Variants in CCSER1 observed in about 807,000 individuals in gnomAD.
The protein encoded by CCSER1 is coiled-coil serine rich protein 1, also known as serine-rich coiled-coil domain-containing protein 1.
CCSER1 carries 41 observed loss-of-function variants against 82.0 expected under a neutral mutation model. That is an observed-to-expected ratio of 0.50 (90% CI 0.39 to 0.65). The LOEUF (loss-of-function observed/expected upper bound fraction) is 0.65, where lower values mean the gene tolerates loss of function less well. Ranked by LOEUF, CCSER1 falls within the 30% of genes least tolerant of loss-of-function variation. CCSER1 has a pLI of 0.00. For missense variants in CCSER1, 1,119 were observed against 1,064.2 expected, an observed-to-expected ratio of 1.05 and a Z score of -0.72; for synonymous variants, 414 against 383.9, an observed-to-expected ratio of 1.08 and a Z score of -0.92.
intron 5 of CCSER1, 93 bp downstream of exon 5, chr4:90,468,447 A>G (rs1763918834): frequency 9.0e-7 from 1 of 1,115,196 alleles, no homozygotes; most frequent in African/African-American, 1.6e-5. Flanking sequence ...TAATATTAGT[A>G]TAAAGAAAGA....
intron 1 of CCSER1, among the ~76,000 whole-genome samples, chr4:90,261,732 A>G (rs1419386615): frequency 6.6e-6 from 1 of 152,118 alleles, no homozygotes; most frequent in East Asian, 1.9e-4. Context: ...CAGGAACACC[A>G]ATTATTCTTA....
At chr4:90,335,112 AC>A (rs1740135930) in intron 3 of CCSER1, among the ~76,000 whole-genome samples, 2 of 152,158 alleles carry the variant, frequency 1.3e-5, no homozygotes, top group Admixed American at 1.3e-4. Context: ...GAAATCAACT[AC>A]CTTATTCAAA....
intron 10 of CCSER1, among the ~76,000 whole-genome samples, chr4:91,133,537 G>C (rs1172597739): frequency 6.6e-6 from 1 of 152,150 alleles, no homozygotes; most frequent in Non-Finnish European, 1.5e-5. Flanking sequence ...ACTGGACTTA[G>C]AGGCATTGGT....
At chr4:91,242,145 G>A (rs1340716757) in intron 10 of CCSER1, among the ~76,000 whole-genome samples, 1 of 151,476 alleles carries the variant, frequency 6.6e-6, no homozygotes, top group African/African-American at 2.4e-5. Context: ...CCAGATATTT[G>A]GAAAAAAAAA....
At chr4:91,091,475 C>A (rs1040994300) in intron 10 of CCSER1, among the ~76,000 whole-genome samples, 2 of 152,192 alleles carry the variant, frequency 1.3e-5, no homozygotes. Context: ...CTGATATATG[C>A]ACTGAAAGCA....
chr4:91,017,981 A>G (rs1739583332), intron 9 of CCSER1, among the ~76,000 whole-genome samples: 1 of 152,096 alleles, frequency 6.6e-6, no homozygotes, highest in African/African-American at 2.4e-5. Flanking sequence ...TTCTAGGAAC[A>G]TTTGATTATT....
chr4:90,200,904 C>T (rs911312123), intron 1 of CCSER1, among the ~76,000 whole-genome samples: 1 of 152,000 alleles, frequency 6.6e-6, no homozygotes, highest in African/African-American at 2.4e-5. Flanking sequence ...ATAGGAAATA[C>T]TTCCTGTCTT....
intron 9 of CCSER1, among the ~76,000 whole-genome samples, chr4:91,024,140 C>G (rs1016367835): frequency 3.3e-5 from 5 of 152,082 alleles, no homozygotes; most frequent in African/African-American, 1.2e-4. Flanking sequence ...TTCATGAGGG[C>G]AGAGCCTTTA....
intron 9 of CCSER1, among the ~76,000 whole-genome samples, chr4:90,940,523 TTAAAA>T (rs1275844471): frequency 4.6e-5 from 7 of 152,192 alleles, no homozygotes; most frequent in African/African-American, 1.4e-4. Context: ...AAAAGTGAAA[TTAAAA>T]TAGGGATTAA....
At chr4:90,469,721 T>C (rs1764114265) in intron 5 of CCSER1, among the ~76,000 whole-genome samples, 1 of 152,110 alleles carries the variant, frequency 6.6e-6, no homozygotes, top group Non-Finnish European at 1.5e-5. Flanking sequence ...GGGTGACTTA[T>C]GGTTATATAT....
chr4:90,926,713 T>C (rs541418305), intron 9 of CCSER1, among the ~76,000 whole-genome samples: 2 of 152,174 alleles, frequency 1.3e-5, no homozygotes, highest in South Asian at 4.1e-4. Flanking sequence ...CCATAGTTTT[T>C]GTGATGAGGG....
In CCSER1 at chr4:91,496,697, AATAT is replaced by A. The variant is rs1329165102; in HGVS notation, c.2218-101864_2218-101861del. Among the ~76,000 whole-genome samples the A allele has an allele frequency of 1.0e-4, 3 of 29,360 alleles. 1 individual carries two copies. The highest frequency in any genetic ancestry group is 2.6e-4 in the African/African-American group (3 of 11,684). The allele number at this position is 29,360 out of a possible 152,430, so 19.3% of individuals were successfully genotyped here. On this transcript the variant is annotated intron_variant, in intron 10 of 10. Coordinates refer to ENST00000509176, the MANE Select transcript of CCSER1 (RefSeq NM_001145065.2). ...AATATATTTGAATATATATATATTC[AATAT>A]ATATATATATTCAATATATAGAATA...
At chr4:90,215,155 A>G (rs1350980815) in intron 1 of CCSER1, among the ~76,000 whole-genome samples, 1 of 152,232 alleles carries the variant, frequency 6.6e-6, no homozygotes, top group African/African-American at 2.4e-5. Context: ...GGTAGGAGCT[A>G]TATAAAGATT....
chr4:90,778,850 C>G (rs529165583), intron 7 of CCSER1, among the ~76,000 whole-genome samples: 10 of 152,138 alleles, frequency 6.6e-5, no homozygotes, highest in South Asian at 2.1e-4. Context: ...TATTTCAAAA[C>G]CAGATGTGTT....
intron 9 of CCSER1, among the ~76,000 whole-genome samples, chr4:91,038,137 A>C (rs1225379791): frequency 6.6e-6 from 1 of 152,204 alleles, no homozygotes; most frequent in Admixed American, 6.6e-5. Flanking sequence ...CCCAAATGCT[A>C]GCATTGACAT....
intron 6 of CCSER1, among the ~76,000 whole-genome samples, chr4:90,630,867 A>AGAT (rs1481055326): frequency 1.2e-4 from 15 of 128,968 alleles, no homozygotes; most frequent in Admixed American, 2.6e-4. Flanking sequence ...CTTTGTTCAC[A>AGAT]GATTATTATT....
chr4:91,153,083 T>C (rs1347298812), intron 10 of CCSER1, among the ~76,000 whole-genome samples: 3 of 152,026 alleles, frequency 2.0e-5, no homozygotes, highest in Non-Finnish European at 4.4e-5. Flanking sequence ...GAAGTTCTCC[T>C]GGATAATATC....
chr4:90,459,367 T>G (rs1762592797), intron 4 of CCSER1, among the ~76,000 whole-genome samples: 1 of 152,186 alleles, frequency 6.6e-6, no homozygotes, highest in Non-Finnish European at 1.5e-5. Flanking sequence ...ATCTTTTTAT[T>G]TAATTATTAA....
intron 5 of CCSER1, among the ~76,000 whole-genome samples, chr4:90,523,123 A>G (rs911309080): frequency 2.0e-5 from 3 of 152,168 alleles, no homozygotes; most frequent in Non-Finnish European, 4.4e-5. Context: ...ATGATTATTG[A>G]CTGTTATTTT....
Sources: gnomAD v4.1 joint callset for allele counts (sites outside exome capture counted in the v4.1 genomes callset) on GRCh38, gnomAD v4.1.1 for gene constraint, MANE v1.5 for transcripts, NCBI Gene and HGNC (gene_info 2026-07-23, HGNC 2026-07-21) for gene names.